SLC24A2: variants seen among roughly 807,000 people sequenced by gnomAD.
SLC24A2 encodes the protein sodium/potassium/calcium exchanger 2.
SLC24A2 carries 36 observed loss-of-function variants against 62.0 expected under a neutral mutation model. That is an observed-to-expected ratio of 0.58 (90% CI 0.44 to 0.77). The LOEUF is 0.77. SLC24A2 is among the 30% of genes least tolerant of loss of function. The probability of loss-of-function intolerance (pLI) is 0.00; values close to 1 mark genes in which losing one functional copy is unlikely to be tolerated. For missense variants in SLC24A2, 846 were observed against 817.9 expected (o/e 1.03, Z -0.42); for synonymous variants, 358 against 294.0 (o/e 1.22, Z -2.23).
At chr9:19,749,276 T>G (rs1821918213) in intron 2 of SLC24A2, among the ~76,000 whole-genome samples, 1 of 152,166 alleles carries the variant, frequency 6.6e-6, no homozygotes, top group African/African-American at 2.4e-5. Context: ...TATTTTGGCT[T>G]GTCTTCCTGT....
chr9:19,997,564 C>A, the SLC24A2 span, among the ~76,000 whole-genome samples: 1 of 152,084 alleles, frequency 6.6e-6, no homozygotes, highest in East Asian at 1.9e-4. Flanking sequence ...ACTCACCCAA[C>A]AACAGAAAGG....
At chr9:19,520,276 A>G (rs533591220) in intron 10 of SLC24A2, among the ~76,000 whole-genome samples, 6 of 152,346 alleles carry the variant, frequency 3.9e-5, no homozygotes, top group East Asian at 1.9e-4. Context: ...GACAAGTTAA[A>G]TAAAATGGTG....
chr9:20,032,053 T>C, the SLC24A2 span, among the ~76,000 whole-genome samples: 11 of 152,204 alleles, frequency 7.2e-5, no homozygotes, highest in African/African-American at 1.7e-4. Context: ...ACTCTGACTA[T>C]GCGTCTAGTC....
At chr9:19,961,230 A>G in the SLC24A2 span, among the ~76,000 whole-genome samples, 10 of 152,172 alleles carry the variant, frequency 6.6e-5, no homozygotes, top group East Asian at 1.7e-3. Flanking sequence ...AAGTATAATA[A>G]TAATAAAAAA....
At chr9:20,074,743 A>G in the SLC24A2 span, among the ~76,000 whole-genome samples, 1 of 152,034 alleles carries the variant, frequency 6.6e-6, no homozygotes, top group Admixed American at 6.6e-5. Flanking sequence ...CTGCTATTTA[A>G]TATGCTGCCC....
In SLC24A2 at chr9:19,786,047, A is replaced by G. The variant is rs748153081; in HGVS notation, c.820T>C (p.Phe274Leu). ...AATTTCATGAAAACCACATAGCAAA[A>G]ATAAGCTGTTAAGAGAAGCAAGCTT... ...WESLLLLTAY[F>L]CYVVFMKFNV... The change falls in exon 2 of 11, where the codon TTT (phenylalanine) becomes CTT (leucine). Residue 274 changes from phenylalanine (F) to leucine (L), a missense_variant. Phe to Leu is a conservative substitution (Grantham distance 22). Transcript: ENST00000341998. The surrounding 1 kb of genome is among the most constrained non-coding windows in gnomAD (Gnocchi z 5.0). 22 of 1,614,118 alleles carry G rather than the reference A, an allele frequency of 1.4e-5. No homozygotes were observed. Among genetic ancestry groups the G allele is most frequent in the East Asian group, 2.2e-5 (1 of 44,906 alleles).
At chr9:19,691,212 G>A (rs1193001414) in intron 2 of SLC24A2, among the ~76,000 whole-genome samples, 3 of 152,110 alleles carry the variant, frequency 2.0e-5, no homozygotes, top group Non-Finnish European at 4.4e-5. Context: ...CTTTGGAAGG[G>A]TCTTTAACTA....
At chr9:19,919,157 G>C in the SLC24A2 span, among the ~76,000 whole-genome samples, 1 of 152,196 alleles carries the variant, frequency 6.6e-6, no homozygotes, top group African/African-American at 2.4e-5. Context: ...TGACTTCCGA[G>C]GAGAGTTAGA....
At chr9:19,953,500 T>C in the SLC24A2 span, among the ~76,000 whole-genome samples, 1 of 152,042 alleles carries the variant, frequency 6.6e-6, no homozygotes, top group African/African-American at 2.4e-5. Context: ...ATTGAATAAG[T>C]ACTTTTCATG....
intron 2 of SLC24A2, among the ~76,000 whole-genome samples, chr9:19,698,357 T>A (rs1820253655): frequency 6.6e-6 from 1 of 152,088 alleles, no homozygotes; most frequent in African/African-American, 2.4e-5. Flanking sequence ...AGACTTGGGG[T>A]CTAATCCCCA....
intron 2 of SLC24A2, among the ~76,000 whole-genome samples, chr9:19,761,106 G>C (rs533167808): frequency 1.1e-4 from 17 of 152,290 alleles, no homozygotes; most frequent in African/African-American, 4.1e-4. Context: ...ATTGTGAACA[G>C]TGCTGCAGTA....
At chr9:19,787,073 A>T in intron 1 of SLC24A2, 54 bp from the exon 2 acceptor site, 1 of 1,309,922 alleles carries the variant, frequency 7.6e-7, no homozygotes, top group Non-Finnish European at 9.9e-7. Context: ...CGTCTTTTTA[A>T]TAAAGATCTT....
chr9:19,932,867 A>G, the SLC24A2 span, among the ~76,000 whole-genome samples: 3 of 152,042 alleles, frequency 2.0e-5, no homozygotes, highest in Non-Finnish European at 4.4e-5. Flanking sequence ...ACCCCGTCCT[A>G]CTCTGTCCAT....
the SLC24A2 span, among the ~76,000 whole-genome samples, chr9:20,153,942 T>C: frequency 7.8e-3 from 1,192 of 152,056 alleles, 15 homozygotes; most frequent in African/African-American, 0.027. Context: ...AGATACTGTG[T>C]GATGAGTAGG....
the SLC24A2 span, among the ~76,000 whole-genome samples, chr9:20,176,338 G>C: frequency 2.0e-5 from 3 of 151,992 alleles, no homozygotes; most frequent in Admixed American, 6.6e-5. Context: ...TTATAGCTGT[G>C]ATTTCAGTTA....
chr9:20,262,677 G>T, the SLC24A2 span, among the ~76,000 whole-genome samples: 1 of 152,190 alleles, frequency 6.6e-6, no homozygotes, highest in Non-Finnish European at 1.5e-5. Flanking sequence ...GCACCAGCCT[G>T]TATAAAATGG....
At chr9:19,948,509 T>C in the SLC24A2 span, among the ~76,000 whole-genome samples, 2 of 152,220 alleles carry the variant, frequency 1.3e-5, no homozygotes, top group East Asian at 1.9e-4. Context: ...TCCAACTTCA[T>C]TGAATTTCTT....
intron 5 of SLC24A2, among the ~76,000 whole-genome samples, chr9:19,589,934 A>G (rs1836500174): frequency 6.6e-6 from 1 of 152,172 alleles, no homozygotes; most frequent in Non-Finnish European, 1.5e-5. Flanking sequence ...TCTCTAGACA[A>G]AGAGACTCAC....
At chr9:19,936,013 T>G in the SLC24A2 span, among the ~76,000 whole-genome samples, 13 of 152,342 alleles carry the variant, frequency 8.5e-5, no homozygotes, top group Admixed American at 1.3e-4. Flanking sequence ...CAAAGAGTTT[T>G]GAAAGAAATT....
Sources: allele counts gnomAD v4.1 joint callset (sites outside exome capture counted in the v4.1 genomes callset), GRCh38; gene constraint gnomAD v4.1.1; non-coding constraint Gnocchi (gnomAD v3.1); transcripts MANE v1.5; gene names NCBI Gene and HGNC (gene_info 2026-07-23, HGNC 2026-07-21).